ZNF609: variants seen among roughly 807,000 people sequenced by gnomAD.
ZNF609 encodes the protein zinc finger protein 609.
Under a neutral mutation model 109.5 loss-of-function variants are expected in ZNF609, and 11 were observed. The observed-to-expected ratio is 0.10, with a 90% CI of 0.06 to 0.17. The LOEUF is 0.17. Ranked by LOEUF, ZNF609 falls within the 10% of genes least tolerant of loss-of-function variation. The pLI is 1.00. For missense variants in ZNF609, 1,559 were observed against 1,772.4 expected, an observed-to-expected ratio of 0.88 and a Z score of 2.16; for synonymous variants, 646 against 662.0, an observed-to-expected ratio of 0.98 and a Z score of 0.37.
At chr15:64,540,646 C>T (rs1327813715) in intron 2 of ZNF609, among the ~76,000 whole-genome samples, 2 of 151,040 alleles carry the variant, frequency 1.3e-5, no homozygotes, top group Non-Finnish European at 3.0e-5. Flanking sequence ...CCTCGTGATC[C>T]GCACGCCTCG....
chr15:64,499,667 G>A lies in ZNF609; in HGVS notation c.248G>A (p.Gly83Glu). Reference sequence around the variant, plus strand: ...GTGACCCCAGTGCCAGGTCCTCAAGGGAAGGAAGGCAAATCAAAATCCAAA... The same window carrying A: ...GTGACCCCAGTGCCAGGTCCTCAAGAGAAGGAAGGCAAATCAAAATCCAAA... ...KFVTPVPGPQ[G>E]KEGKSKSKRS... is the part of the protein sequence containing the mutation. The change falls in exon 2 of 10, where the codon GGG (glycine) becomes GAG (glutamate). Residue 83 changes from glycine (G) to glutamate (E), a missense_variant. Gly to Glu is a moderately conservative substitution (Grantham distance 98). Around this residue, in one of 4 missense-constraint regions of ZNF609, gnomAD observed 291 missense variants for 317.8 expected, o/e 0.92. Coordinates refer to ENST00000326648, the MANE Select transcript of ZNF609 (RefSeq NM_015042.2). The A allele has an allele frequency of 1.9e-6, 3 of 1,614,106 alleles. No homozygotes were observed. Among genetic ancestry groups the A allele is most frequent in the Non-Finnish European group, 2.5e-6 (3 of 1,180,024 alleles).
intron 2 of ZNF609, among the ~76,000 whole-genome samples, chr15:64,553,685 G>A (rs1018710018): frequency 6.6e-5 from 10 of 151,800 alleles, no homozygotes; most frequent in Non-Finnish European, 1.2e-4. Flanking sequence ...TGCAAGCTCC[G>A]CCTTCTGGGT....
chr15:64,469,051 A>AAC (rs1355397671), intron 1 of ZNF609, among the ~76,000 whole-genome samples: 26 of 135,588 alleles, frequency 1.9e-4, no homozygotes, highest in Admixed American at 4.4e-4. Flanking sequence ...AAAAAAAAAA[A>AAC]AAAAACAACA....
chr15:64,515,729 G>C (rs1400640715), intron 2 of ZNF609, among the ~76,000 whole-genome samples: 1 of 152,038 alleles, frequency 6.6e-6, no homozygotes, highest in Non-Finnish European at 1.5e-5. Context: ...CTGAGGTCAG[G>C]AGTTCGAGAC....
intron 2 of ZNF609, among the ~76,000 whole-genome samples, chr15:64,561,175 T>A (rs1328762802): frequency 6.6e-6 from 1 of 152,228 alleles, no homozygotes; most frequent in Non-Finnish European, 1.5e-5. Flanking sequence ...TATCAGCTCT[T>A]CCATACTCCT....
chr15:64,641,112 C>CAGCTGGCTCTCTAA (rs1345870400), intron 3 of ZNF609, among the ~76,000 whole-genome samples: 1 of 151,932 alleles, frequency 6.6e-6, no homozygotes, highest in Non-Finnish European at 1.5e-5. Context: ...ATAATGGTTT[C>CAGCTGGCTCTCTAA]AGCTGGCTCT....
intron 1 of ZNF609, among the ~76,000 whole-genome samples, chr15:64,478,901 G>T (rs1414394656): frequency 6.6e-6 from 1 of 152,208 alleles, no homozygotes; most frequent in African/African-American, 2.4e-5. Context: ...GCCAGCAGCT[G>T]TTAATCCAAG....
At chr15:64,633,852 G>C (rs1896125248) in intron 3 of ZNF609, among the ~76,000 whole-genome samples, 1 of 151,310 alleles carries the variant, frequency 6.6e-6, no homozygotes, top group South Asian at 2.1e-4. Flanking sequence ...CTGCGCTCCA[G>C]CCTGGGCAAC....
chr15:64,657,839 C>G (rs770502753), intron 3 of ZNF609, among the ~76,000 whole-genome samples: 1 of 152,128 alleles, frequency 6.6e-6, no homozygotes, highest in Non-Finnish European at 1.5e-5. Context: ...TGACTCTTGT[C>G]CAAATGCCAG....
intron 3 of ZNF609, chr15:64,643,808 A>G (rs1295382825): frequency 6.6e-6 from 1 of 152,226 alleles, no homozygotes; most frequent in Non-Finnish European, 1.5e-5. Context: ...ACAAGGTAAC[A>G]AAGTAGGCCA....
rs1567027739 is a variant in ZNF609 at position 64,607,866 on chromosome 15, TC to T, written c.748-14960del. Among the ~76,000 whole-genome samples the T allele has an allele frequency of 1.4e-3, 51 of 35,240 alleles. 1 individual carries two copies. The highest frequency in any genetic ancestry group is 3.3e-3 in the Admixed American group (6 of 1,800). 23.1% of individuals were successfully genotyped at this position (35,240 alleles called of 152,430 possible). Reference sequence around the variant, plus strand: ...TTCTTTCTTTCTTTCTTTCTTTCTTTCTTTCTTTCTTTCTTCTTTCTTTTCT... The same window carrying T: ...TTCTTTCTTTCTTTCTTTCTTTCTTTTTTCTTTCTTTCTTCTTTCTTTTCT... On this transcript the variant is annotated intron_variant, in intron 2 of 9. Coordinates refer to ENST00000326648, the MANE Select transcript of ZNF609 (RefSeq NM_015042.2).
At chr15:64,472,682 T>C (rs559955799) in intron 1 of ZNF609, among the ~76,000 whole-genome samples, 8 of 152,164 alleles carry the variant, frequency 5.3e-5, no homozygotes, top group East Asian at 1.9e-4. Context: ...CTGGACAACA[T>C]AGACCCCATC....
chr15:64,577,008 G>GTATATATACACATATATATATA lies in ZNF609; in HGVS notation c.748-45816_748-45815insATATACACATATATATATATAT, dbSNP rs1567019051. On this transcript the variant is annotated intron_variant, in intron 2 of 9. Transcript: ENST00000326648. ...TATGTATACACATAAATATATATAT[G>GTATATATACACATATATATATA]TATGTATACACATAAATATATATAT... Among the ~76,000 whole-genome samples, 2 of 112,332 alleles carry GTATATATACACATATATATATA rather than the reference G, an allele frequency of 1.8e-5. 1 individual carries two copies. The allele number at this position is 112,332 out of a possible 152,430, so 73.7% of individuals were successfully genotyped here.
At chr15:64,528,310 G>A (rs561580647) in intron 2 of ZNF609, among the ~76,000 whole-genome samples, 3 of 151,550 alleles carry the variant, frequency 2.0e-5, no homozygotes, top group Non-Finnish European at 4.4e-5. Flanking sequence ...TATTAGCCAG[G>A]CTGGTCTCGA....
chr15:64,500,102 C>G lies in ZNF609; in HGVS notation c.683C>G (p.Thr228Ser). 6.2e-7 allele frequency: 1 copy of G among 1,614,054 alleles called. No homozygotes were observed. Among genetic ancestry groups the G allele is most frequent in the Non-Finnish European group, 8.5e-7 (1 of 1,180,020 alleles). The stretch of plus-strand genomic sequence containing the variant: ...GGGGCAGCGCTCAATCCTTTGGGAA[C>G]TAAACCGGAGCCAGAGGAAGGGGAG... ...EPGAALNPLG[T>S]KPEPEEGENE... Residue 228 changes from threonine to serine, a missense_variant, in exon 2 of 10, where the codon ACT (threonine) becomes AGT (serine). This residue lies in a region of ZNF609 where 291 missense variants were observed against 317.8 expected (regional missense o/e 0.92). Transcript: ENST00000326648.
At position 64,593,311 on chromosome 15, in the gene ZNF609, A is replaced by T. The variant is rs1251922468; in HGVS notation, c.748-29516A>T. 9 of 1,384,798 alleles carry T rather than the reference A, an allele frequency of 6.5e-6. No homozygotes were observed. The East Asian group carries it at 1.6e-4, about 25-fold the overall frequency. The allele number at this position is 1,384,798 out of a possible 1,614,324, so 85.8% of individuals were successfully genotyped here. A position where few individuals can be genotyped will look rare whatever the true frequency, so the allele number is the denominator to read the frequency against. On this transcript the variant is annotated intron_variant, in intron 2 of 9. Transcript: ENST00000326648. Reference sequence around the variant, plus strand: ...CTGCGGGTGCTGCCCCACGTCCCCCACCAAAGCCCATGTAAGGAGGTGAGT... The same window carrying T: ...CTGCGGGTGCTGCCCCACGTCCCCCTCCAAAGCCCATGTAAGGAGGTGAGT...
At chr15:64,624,453 C>A (rs1303720556) in intron 3 of ZNF609, among the ~76,000 whole-genome samples, 6 of 152,098 alleles carry the variant, frequency 3.9e-5, no homozygotes, top group African/African-American at 2.4e-5. Context: ...AGGCCTCTTA[C>A]CTCAGTATAT....
chr15:64,491,013 A>C (rs1893405405), intron 1 of ZNF609, among the ~76,000 whole-genome samples: 2 of 152,312 alleles, frequency 1.3e-5, no homozygotes, highest in Middle Eastern at 6.8e-3. Context: ...AGCCCTGTTG[A>C]ATTGGATCTG....
intron 2 of ZNF609, among the ~76,000 whole-genome samples, chr15:64,522,838 G>A (rs1893911828): frequency 6.6e-6 from 1 of 152,018 alleles, no homozygotes; most frequent in Middle Eastern, 3.2e-3. Context: ...TTTAGTTAAG[G>A]AAGTTGCACA....
Sources: allele counts gnomAD v4.1 joint callset (sites outside exome capture counted in the v4.1 genomes callset), GRCh38; gene constraint gnomAD v4.1.1; regional missense constraint gnomAD v4.1.1; transcripts MANE v1.5; gene names NCBI Gene and HGNC (gene_info 2026-07-23, HGNC 2026-07-21).